DCN: variants seen among roughly 807,000 people sequenced by gnomAD.
DCN encodes bone proteoglycan II.
In DCN, 17 loss-of-function variants were observed where a neutral mutation model predicts 36.5. That is an observed-to-expected ratio of 0.47 (90% CI 0.32 to 0.70). The LOEUF (loss-of-function observed/expected upper bound fraction) is 0.70, where lower values mean the gene tolerates loss of function less well. Among genes scored for constraint, DCN ranks in the 30% least tolerant of loss-of-function variants. DCN has a pLI of 0.04. For missense variants in DCN, 389 were observed against 430.1 expected, an observed-to-expected ratio of 0.90 and a Z score of 0.84; for synonymous variants, 163 against 161.4, an observed-to-expected ratio of 1.01 and a Z score of -0.07.
rs765826074 is a variant in DCN, at chr12:91,164,693, A to G, written c.236T>C (p.Leu79Pro). ...GTCTAGCAGAGTTGTGTCAGGGGGA[A>G]GATCCTTTGGCACTTTGTCCAGACC... ...DLGLDKVPKD[L>P]PPDTTLLDLQ... Residue 79 changes from leucine to proline, a missense_variant, in exon 3 of 8, where the codon CTT (leucine) becomes CCT (proline). Transcript: ENST00000052754. 25 of 1,610,260 alleles carry G rather than the reference A, an allele frequency of 1.6e-5. No individual in the cohort carries two copies. The highest frequency in any genetic ancestry group is 2.0e-5 in the Non-Finnish European group (24 of 1,176,600).
chr12:91,175,141 T>C (rs1328205988), intron 2 of DCN: 1 of 152,154 alleles, frequency 6.6e-6, no homozygotes, highest in African/African-American at 2.4e-5. Flanking sequence ...CATTTATTTT[T>C]AACATTGCTT....
Position 91,145,927 on chromosome 12 carries a change from A to T in DCN, c.*131T>A. The T allele has an allele frequency of 1.3e-6, 1 of 779,712 alleles. No homozygotes were observed. Among genetic ancestry groups the T allele is most frequent in the African/African-American group, 1.7e-5 (1 of 57,224 alleles). The allele number at this position is 779,712 out of a possible 1,614,324, so 48.3% of individuals were successfully genotyped here. On this transcript the variant is annotated 3_prime_UTR_variant, in exon 8 of 8. Transcript: ENST00000052754. ...TTACTTAAACTGGAAATTTGGCTTTATGCATAATAAGTCATGTGGGTAAAA... is the reference window on the plus strand; with the variant it reads ...TTACTTAAACTGGAAATTTGGCTTTTTGCATAATAAGTCATGTGGGTAAAA...
At chr12:91,170,366 A>G (rs992675140) in intron 2 of DCN, among the ~76,000 whole-genome samples, 6 of 152,260 alleles carry the variant, frequency 3.9e-5, no homozygotes, top group African/African-American at 1.4e-4. Flanking sequence ...TCTGTTTTTC[A>G]GGTATGTCAA....
chr12:91,143,502 C>A lies in DCN; in HGVS notation c.*2556G>T, dbSNP rs1880824702. On this transcript the variant is annotated 3_prime_UTR_variant, in exon 8 of 8. Coordinates refer to ENST00000052754, the MANE Select transcript of DCN (RefSeq NM_001920.5). ...TCCAGAACTGACACATAAGAATTTCCCTTGAAATGATTATAGCTCGAACTG... is the reference window on the plus strand; with the variant it reads ...TCCAGAACTGACACATAAGAATTTCACTTGAAATGATTATAGCTCGAACTG... 1 of 152,066 alleles carries A rather than the reference C, an allele frequency of 6.6e-6. No individual in the cohort carries two copies. The highest frequency in any genetic ancestry group is 1.5e-5 in the Non-Finnish European group (1 of 68,018). The allele number at this position is 152,066 out of a possible 1,614,324, so 9.4% of individuals were successfully genotyped here. A position where few individuals can be genotyped will look rare whatever the true frequency, so the allele number is the denominator to read the frequency against.
intron 1 of DCN, chr12:91,180,121 G>T (rs1027740786): frequency 6.6e-6 from 1 of 152,042 alleles, no homozygotes; most frequent in Non-Finnish European, 1.5e-5. Flanking sequence ...AAACCATTCT[G>T]ATATCTCCAA....
chr12:91,151,672 T>G lies in DCN; in HGVS notation c.867A>C (p.Ala289=). The change falls in exon 7 of 8, where the codon GCA becomes GCC. Residue 289 remains alanine, a synonymous_variant. Coordinates refer to ENST00000052754, the MANE Select transcript of DCN (RefSeq NM_001920.5). ...NKLTRVPGGL[A]EHKYIQVVYL... is the part of the protein sequence containing the mutation. Reference sequence around the variant, plus strand: ...GCATTACCTGGATGTACTTATGCTCTGCCAGCCCACCAGGTACTCTGGTAA... The same window carrying G: ...GCATTACCTGGATGTACTTATGCTCGGCCAGCCCACCAGGTACTCTGGTAA... 2 of 1,614,084 alleles carry G rather than the reference T, an allele frequency of 1.2e-6. No individual in the cohort carries two copies. Among genetic ancestry groups the G allele is most frequent in the South Asian group, 1.1e-5 (1 of 91,082 alleles).
intron 1 of DCN, 108 bp from the exon 2 acceptor site, chr12:91,178,693 A>C: frequency 1.4e-6 from 1 of 730,130 alleles, no homozygotes; most frequent in East Asian, 2.7e-5. Flanking sequence ...ATGCAAAATA[A>C]TATTTCATTT....
intron 3 of DCN, among the ~76,000 whole-genome samples, chr12:91,159,169 A>C (rs2121215974): frequency 6.6e-6 from 1 of 152,304 alleles, no homozygotes; most frequent in Middle Eastern, 3.4e-3. Flanking sequence ...GAAAATAATC[A>C]ATGCCACAGA....
rs570723267 is a variant in DCN at position 91,175,355 on chromosome 12, C to A, written c.211+2987G>T. On this transcript the variant is annotated intron_variant, in intron 2 of 7. Coordinates refer to ENST00000052754, the MANE Select transcript of DCN (RefSeq NM_001920.5). ...TCATCCTCTTAAAAAAAAAAAAAAG[C>A]ACGTGTTAATACTACTGTGATAAAT... 191 of 148,886 alleles carry A rather than the reference C, an allele frequency of 1.3e-3. 1 individual carries two copies. The highest frequency in any genetic ancestry group is 4.5e-3 in the African/African-American group (184 of 40,658). 9.2% of individuals were successfully genotyped at this position (148,886 alleles called of 1,614,324 possible). A position where few individuals can be genotyped will look rare whatever the true frequency, so the allele number is the denominator to read the frequency against.
At chr12:91,158,077 G>T (rs1881914005) in intron 4 of DCN, among the ~76,000 whole-genome samples, 1 of 152,086 alleles carries the variant, frequency 6.6e-6, no homozygotes, top group Non-Finnish European at 1.5e-5. Context: ...CAGCCCTAGG[G>T]TTTTCTCCAT....
At chr12:91,157,310 A>C (rs541473594) in intron 4 of DCN, 122 bp from the exon 5 acceptor site, 1 of 746,762 alleles carries the variant, frequency 1.3e-6, no homozygotes, top group East Asian at 2.6e-5. Flanking sequence ...TGACTAAAAA[A>C]CAAAAGTGAA....
Position 91,151,681 on chromosome 12 carries a change from A to T in DCN, c.858T>A (p.Gly286=). Residue 286 remains glycine, a synonymous_variant, in exon 7 of 8, where the codon GGT becomes GGA. Transcript: ENST00000052754. ...GGATGTACTTATGCTCTGCCAGCCC[A>T]CCAGGTACTCTGGTAAGCTTGTTGT... ...LDNNKLTRVP[G]GLAEHKYIQV... is the part of the protein sequence containing the mutation. The T allele has an allele frequency of 6.2e-7, 1 of 1,614,076 alleles. No homozygotes were observed. The highest frequency in any genetic ancestry group is 1.1e-5 in the South Asian group (1 of 91,078).
rs1752724839 is a variant in DCN, at chr12:91,144,714, T to G, written c.*1344A>C. ...TGGATTTTGAACTTAGTCCCTGTCT[T>G]GAATAGTGCCTCCCCACCAAATCTT... On this transcript the variant is annotated 3_prime_UTR_variant, in exon 8 of 8. Coordinates refer to ENST00000052754, the MANE Select transcript of DCN (RefSeq NM_001920.5). 1 of 152,142 alleles carries G rather than the reference T, an allele frequency of 6.6e-6. No individual in the cohort carries two copies. Among genetic ancestry groups the G allele is most frequent in the African/African-American group, 2.4e-5 (1 of 41,420 alleles). The allele number at this position is 152,142 out of a possible 1,614,324, so 9.4% of individuals were successfully genotyped here. A position where few individuals can be genotyped will look rare whatever the true frequency, so the allele number is the denominator to read the frequency against.
intron 2 of DCN, among the ~76,000 whole-genome samples, chr12:91,165,215 T>C (rs1422838711): frequency 2.0e-5 from 3 of 152,194 alleles, no homozygotes; most frequent in African/African-American, 7.2e-5. Context: ...TATAATCAAC[T>C]TGTGGCAGGA....
intron 2 of DCN, chr12:91,169,616 G>A (rs1159422029): frequency 6.6e-6 from 1 of 152,064 alleles, no homozygotes; most frequent in Non-Finnish European, 1.5e-5. Flanking sequence ...AACGGCATTA[G>A]TTGACACTGG....
At chr12:91,172,258 T>C (rs1270175636) in intron 2 of DCN, 2 of 153,148 alleles carry the variant, frequency 1.3e-5, no homozygotes, top group African/African-American at 2.4e-5. Flanking sequence ...GGCCAGGTTG[T>C]CTTAAAACAT....
At chr12:91,153,804 CAA>C (rs1387136268) in intron 5 of DCN, among the ~76,000 whole-genome samples, 1 of 152,064 alleles carries the variant, frequency 6.6e-6, no homozygotes, top group African/African-American at 2.4e-5. Context: ...GGTCTATAAT[CAA>C]GTGATCTGCC....
At chr12:91,151,397 G>GA (rs1459367863) in intron 7 of DCN, 2 of 437,482 alleles carry the variant, frequency 4.6e-6, no homozygotes, top group Non-Finnish European at 8.4e-6. Context: ...CACCCCTACT[G>GA]AAAAAAATAT....
rs1360103524 is a variant in DCN, at chr12:91,142,986, G to C, written c.*3072C>G. 6.6e-6 allele frequency: 1 copy of C among 152,078 alleles called. No individual in the cohort carries two copies. The highest frequency in any genetic ancestry group is 1.5e-5 in the Non-Finnish European group (1 of 68,034). The allele number at this position is 152,078 out of a possible 1,614,324, so 9.4% of individuals were successfully genotyped here. A position where few individuals can be genotyped will look rare whatever the true frequency, so the allele number is the denominator to read the frequency against. ...ATAGAGTCTTTGCAGATATAATCAA[G>C]TTAAGATGGGTTCATACTAAATTAG... On this transcript the variant is annotated 3_prime_UTR_variant, in exon 8 of 8. Coordinates refer to ENST00000052754, the MANE Select transcript of DCN (RefSeq NM_001920.5).
Sources: gnomAD v4.1 joint callset for allele counts (sites outside exome capture counted in the v4.1 genomes callset) on GRCh38, gnomAD v4.1.1 for gene constraint, MANE v1.5 for transcripts, NCBI Gene and HGNC (gene_info 2026-07-23, HGNC 2026-07-21) for gene names.